Variants in DDX1 observed in about 807,000 individuals in gnomAD.
DDX1 encodes the protein DEAD-box helicase 1.
In DDX1, 28 loss-of-function variants were observed where a neutral mutation model predicts 108.7. The ratio of observed to expected loss-of-function variants is 0.26; its 90% confidence interval spans 0.19 to 0.35. The LOEUF (loss-of-function observed/expected upper bound fraction) is 0.35, where lower values mean the gene tolerates loss of function less well. Among genes scored for constraint, DDX1 ranks in the 10% least tolerant of loss-of-function variants. The pLI, the probability that DDX1 is intolerant of heterozygous loss-of-function variation, is 1.00. For synonymous variants in DDX1, 295 were observed against 288.9 expected (o/e 1.02, Z -0.21); for missense variants, 710 against 884.5 (o/e 0.80, Z 2.50).
At chr2:15,595,273 A>G in intron 2 of DDX1, 77 bp downstream of exon 2, 2 of 1,290,284 alleles carry the variant, frequency 1.6e-6, no homozygotes, top group Non-Finnish European at 2.2e-6. Context: ...TTTATCAAAT[A>G]TTTTTGTGTC....
intron 5 of DDX1, among the ~76,000 whole-genome samples, chr2:15,598,934 CT>C (rs58877571): frequency 1.6e-3 from 237 of 151,284 alleles, no homozygotes; most frequent in African/African-American, 5.5e-3. Context: ...AAAGGACTTG[CT>C]TTTTTTTTGA....
intron 3 of DDX1, among the ~76,000 whole-genome samples, chr2:15,595,887 T>C (rs1044136482): frequency 6.6e-6 from 1 of 152,118 alleles, no homozygotes; most frequent in Non-Finnish European, 1.5e-5. Flanking sequence ...ATTTCTTTTT[T>C]TTTGTTTTTG....
At position 15,621,081 on chromosome 2, in the gene DDX1, CA is replaced by C. The variant is rs764453730; in HGVS notation, c.1416del (p.Asp473IlefsTer20). The C allele has an allele frequency of 2.5e-6, 4 of 1,609,478 alleles. No homozygotes were observed. Among genetic ancestry groups the C allele is most frequent in the Non-Finnish European group, 3.4e-6 (4 of 1,176,928 alleles). On this transcript the variant is annotated frameshift_variant, in exon 18 of 26. Coordinates refer to ENST00000233084, the MANE Select transcript of DDX1 (RefSeq NM_004939.3). LOFTEE classifies it high-confidence loss of function. ...KSHIRTDDVH[A>X]KDNTRPGANS... ...TTTTGATAGACTGATGATGTACATG[CA>C]AAAGATAACACAAGACCTGGTGCTA...
chr2:15,606,057 C>G (rs1558453326), intron 11 of DDX1, 31 bp downstream of exon 11: 2 of 1,560,062 alleles, frequency 1.3e-6, no homozygotes, highest in Admixed American at 1.9e-5. Context: ...AAAAAATTTG[C>G]TGTGGTTGTA....
chr2:15,624,069 G>A (rs541474598), intron 19 of DDX1, among the ~76,000 whole-genome samples: 2 of 152,202 alleles, frequency 1.3e-5, no homozygotes, highest in South Asian at 2.1e-4. Context: ...CAGTGGACAC[G>A]GTCTTCTGTT....
Position 15,630,004 on chromosome 2 carries a change from A to G in DDX1, c.1986A>G (p.Ile662Met). The G allele has an allele frequency of 6.2e-7, 1 of 1,603,512 alleles. No individual in the cohort carries two copies. Among genetic ancestry groups the G allele is most frequent in the Non-Finnish European group, 8.5e-7 (1 of 1,176,808 alleles). ...CCATTACTTAGTTACTATCTGAGAT[A>G]GAAGAACACCTGAACTGTACCATTT... is the stretch of plus-strand genomic sequence containing the variant. ...WYNEMQLLSE[I>M]EEHLNCTISQ... The change falls in exon 25 of 26, where the codon ATA becomes ATG. Residue 662 changes from isoleucine (I) to methionine (M), a missense_variant. By Grantham distance (10) the Ile-to-Met change is conservative. This residue lies in a region of DDX1 where 661 missense variants were observed against 810.2 expected (regional missense o/e 0.82). Transcript: ENST00000233084.
intron 19 of DDX1, among the ~76,000 whole-genome samples, chr2:15,624,617 T>G (rs1316333031): frequency 6.6e-6 from 1 of 152,166 alleles, no homozygotes; most frequent in African/African-American, 2.4e-5. Flanking sequence ...CATGATTCTA[T>G]TATCTCCTAC....
chr2:15,595,458 T>G, intron 2 of DDX1, 32 bp from the exon 3 acceptor site: 2 of 1,571,040 alleles, frequency 1.3e-6, no homozygotes, highest in Non-Finnish European at 1.7e-6. Flanking sequence ...TTTTCCCCAG[T>G]AACTAAAATT....
At chr2:15,604,018 A>G (rs1473415400) in intron 9 of DDX1, 128 bp downstream of exon 9, 4 of 627,772 alleles carry the variant, frequency 6.4e-6, no homozygotes, top group South Asian at 2.6e-5. Flanking sequence ...TTTTCCACAG[A>G]AAGTTTGGAT....
intron 14 of DDX1, among the ~76,000 whole-genome samples, chr2:15,616,049 T>C (rs1665887919): frequency 7.5e-6 from 1 of 133,496 alleles, no homozygotes; most frequent in Non-Finnish European, 1.6e-5. Context: ...CACGCCGCCA[T>C]GCCCGGCTAA....
chr2:15,612,710 G>C (rs1665796830), intron 13 of DDX1, among the ~76,000 whole-genome samples: 1 of 152,204 alleles, frequency 6.6e-6, no homozygotes, highest in African/African-American at 2.4e-5. Context: ...ACTCCAGCCT[G>C]GGCAACATTG....
Position 15,597,463 on chromosome 2 carries a change from G to A in DDX1, c.251G>A (p.Gly84Asp), listed in dbSNP as rs777785275. 1 of 1,596,624 alleles carries A rather than the reference G, an allele frequency of 6.3e-7. No homozygotes were observed. The highest frequency in any genetic ancestry group is 8.5e-7 in the Non-Finnish European group (1 of 1,169,866). Reference protein sequence around the residue: ...GKKGKTTIKTGASVLNKWQMN... With the variant: ...GKKGKTTIKTDASVLNKWQMN... ...AAAGGAAAAACAACAATTAAAACTG[G>A]TGCTTCAGGTAATTTTTGTAAATTG... is the stretch of plus-strand genomic sequence containing the variant. Residue 84 changes from glycine (G) to aspartate (D), a missense_variant, in exon 5 of 26, where the codon GGT (glycine) becomes GAT (aspartate). Transcript: ENST00000233084.
In DDX1 at chr2:15,611,656, A is replaced by ACCTC. The variant is rs1558455210; in HGVS notation, c.957-1565_957-1562dup. Among the ~76,000 whole-genome samples, 11 of 87,028 alleles carry ACCTC rather than the reference A, an allele frequency of 1.3e-4. 1 individual carries two copies. The highest frequency in any genetic ancestry group is 8.5e-4 in the East Asian group (2 of 2,348). 57.1% of individuals were successfully genotyped at this position (87,028 alleles called of 152,430 possible). A position where few individuals can be genotyped will look rare whatever the true frequency, so the allele number is the denominator to read the frequency against. ...GGGTGGCCGGGCAGAGGCACCCCCC[A>ACCTC]CCTCCCGGACGGGGCGGCTGGCCGG... is the stretch of plus-strand genomic sequence containing the variant. On this transcript the variant is annotated intron_variant, in intron 13 of 25. Coordinates refer to ENST00000233084, the MANE Select transcript of DDX1 (RefSeq NM_004939.3).
At chr2:15,604,619 CT>C in intron 10 of DDX1, 110 bp downstream of exon 10, 1 of 712,960 alleles carries the variant, frequency 1.4e-6, no homozygotes. Context: ...CCCTCCCTGC[CT>C]TTACTTGAAC....
At chr2:15,611,750 A>C (rs1405921986) in intron 13 of DDX1, among the ~76,000 whole-genome samples, 2 of 71,662 alleles carry the variant, frequency 2.8e-5, no homozygotes, top group Admixed American at 1.3e-4. Flanking sequence ...TGACCCCCCC[A>C]CCTCCCTCCC....
rs1368083933 is a variant in DDX1, at chr2:15,630,900, C to A, written c.2217C>A (p.Thr739=). The change falls in exon 26 of 26, where the codon ACC becomes ACA. Residue 739 remains threonine, a synonymous_variant. Transcript: ENST00000233084. ...LGYLPNQLFR[T]F ...ACCTTCCTAACCAGCTGTTCAGAAC[C>A]TTCTGATTTTTACATTTACTGAATA... The A allele has an allele frequency of 1.9e-6, 3 of 1,613,736 alleles. No individual in the cohort carries two copies. Among genetic ancestry groups the A allele is most frequent in the South Asian group, 1.1e-5 (1 of 91,038 alleles).
chr2:15,607,640 G>T (rs1665686865), intron 13 of DDX1, among the ~76,000 whole-genome samples: 2 of 152,088 alleles, frequency 1.3e-5, no homozygotes, highest in Admixed American at 1.3e-4. Flanking sequence ...AGGCTGGAGT[G>T]TAGTGATATG....
intron 1 of DDX1, among the ~76,000 whole-genome samples, chr2:15,594,263 TG>T (rs1402086798): frequency 1.3e-5 from 2 of 152,194 alleles, no homozygotes; most frequent in Non-Finnish European, 2.9e-5. Context: ...TGGTTATTTC[TG>T]GGGCTTGGGA....
intron 25 of DDX1, 147 bp from the exon 26 acceptor site, chr2:15,630,629 A>G (rs1301998470): frequency 1.3e-6 from 1 of 744,572 alleles, no homozygotes; most frequent in Admixed American, 2.5e-5. Context: ...AACATTTTTT[A>G]AAGTCAAAGT....
Sources: allele counts gnomAD v4.1 joint callset (sites outside exome capture counted in the v4.1 genomes callset), GRCh38; gene constraint gnomAD v4.1.1; regional missense constraint gnomAD v4.1.1; transcripts MANE v1.5; gene names NCBI Gene and HGNC (gene_info 2026-07-23, HGNC 2026-07-21).